Variants in FAT3 observed in about 807,000 individuals in gnomAD.
The protein encoded by FAT3 is FAT atypical cadherin 3, also known as protocadherin Fat 3.
Under a neutral mutation model 310.2 loss-of-function variants are expected in FAT3, and 95 were observed. The observed-to-expected ratio is 0.31, with a 90% CI of 0.26 to 0.36. The LOEUF (loss-of-function observed/expected upper bound fraction) is 0.36, where lower values mean the gene tolerates loss of function less well. Ranked by LOEUF, FAT3 falls within the 10% of genes least tolerant of loss-of-function variation. The pLI is 1.00. For synonymous variants in FAT3, 2,314 were observed against 2,192.9 expected, an observed-to-expected ratio of 1.06 and a Z score of -1.54; for missense variants, 5,408 against 5,715.6, an observed-to-expected ratio of 0.95 and a Z score of 1.74.
chr11:92,759,228 AG>A (rs1946082677), intron 4 of FAT3, among the ~76,000 whole-genome samples: 2 of 152,222 alleles, frequency 1.3e-5, no homozygotes, highest in African/African-American at 4.8e-5. Flanking sequence ...AGACTGTTCA[AG>A]TAGGACCTGC....
At chr11:92,371,195 A>G (rs542516921) in intron 2 of FAT3, among the ~76,000 whole-genome samples, 1 of 152,374 alleles carries the variant, frequency 6.6e-6, no homozygotes, top group Non-Finnish European at 1.5e-5. Flanking sequence ...CAGGTGTTAA[A>G]TAAGTATTGA....
chr11:92,636,044 A>C (rs1941757010), intron 3 of FAT3, among the ~76,000 whole-genome samples: 1 of 152,020 alleles, frequency 6.6e-6, no homozygotes, highest in Non-Finnish European at 1.5e-5. Context: ...GCTCACTGCA[A>C]CCTCTGCCAC....
intron 3 of FAT3, among the ~76,000 whole-genome samples, chr11:92,585,918 C>T (rs1939124135): frequency 6.6e-6 from 1 of 151,834 alleles, no homozygotes; most frequent in South Asian, 2.1e-4. Flanking sequence ...TCCTTCCCTC[C>T]CTTCCTTCCT....
chr11:92,678,896 C>T (rs905470145), intron 3 of FAT3, among the ~76,000 whole-genome samples: 2 of 152,092 alleles, frequency 1.3e-5, no homozygotes, highest in Admixed American at 1.3e-4. Context: ...TAGGGTCTAT[C>T]CATCACCCAA....
At chr11:92,427,171 T>A (rs1055309525) in intron 2 of FAT3, among the ~76,000 whole-genome samples, 2 of 152,150 alleles carry the variant, frequency 1.3e-5, no homozygotes, top group African/African-American at 4.8e-5. Flanking sequence ...GATTTGGCTC[T>A]CTGTCTATTA....
At chr11:92,868,567 T>C in intron 22 of FAT3, among the ~76,000 whole-genome samples, 1 of 152,184 alleles carries the variant, frequency 6.6e-6, no homozygotes, top group East Asian at 1.9e-4. Context: ...ATCTACGATA[T>C]ATAAAAGGAG....
At chr11:92,414,029 G>A (rs373510595) in intron 2 of FAT3, among the ~76,000 whole-genome samples, 16 of 152,226 alleles carry the variant, frequency 1.1e-4, no homozygotes, top group African/African-American at 3.6e-4. Context: ...TGCATTTTGC[G>A]TGTGGAGGTC....
At chr11:92,811,465 T>C (rs1284831809) in intron 13 of FAT3, among the ~76,000 whole-genome samples, 1 of 152,114 alleles carries the variant, frequency 6.6e-6, no homozygotes, top group East Asian at 1.9e-4. Flanking sequence ...CATGGTGTTT[T>C]TTGAAACATG....
chr11:92,890,953 C>A lies in FAT3; in HGVS notation c.13610C>A (p.Ser4537Tyr), dbSNP rs764541781. ...PTGPADSVSLSLHNSRGTSSS... is the reference protein window; with the variant it reads ...PTGPADSVSLYLHNSRGTSSS... The stretch of plus-strand genomic sequence containing the variant: ...GGCCCAGCAGACAGCGTGTCTCTGT[C>A]CTTGCACAATTCCAGAGGCACCTCA... The change falls in exon 28 of 28, where the codon TCC becomes TAC. Residue 4537 changes from serine to tyrosine, a missense_variant. Physicochemically the swap from Ser to Tyr is moderately radical, Grantham distance 144 (BLOSUM62 -2). Around this residue, in one of 5 missense-constraint regions of FAT3, gnomAD observed 649 missense variants for 666.2 expected, o/e 0.97. Transcript: ENST00000525166. 2 of 1,613,862 alleles carry A rather than the reference C, an allele frequency of 1.2e-6. No homozygotes were observed. The highest frequency in any genetic ancestry group is 2.7e-5 in the African/African-American group (2 of 74,946).
At chr11:92,512,057 T>G (rs1036243054) in intron 2 of FAT3, among the ~76,000 whole-genome samples, 10 of 152,160 alleles carry the variant, frequency 6.6e-5, no homozygotes, top group Non-Finnish European at 4.4e-5. Flanking sequence ...AATGTGTGAC[T>G]TCTATTCAGT....
At chr11:92,865,712 C>T (rs548398473) in intron 21 of FAT3, among the ~76,000 whole-genome samples, 1 of 152,334 alleles carries the variant, frequency 6.6e-6, no homozygotes, top group African/African-American at 2.4e-5. Context: ...AGGTGGACGA[C>T]ACAGGGGATT....
At chr11:92,478,452 G>A (rs1324135023) in intron 2 of FAT3, among the ~76,000 whole-genome samples, 6 of 151,988 alleles carry the variant, frequency 3.9e-5, no homozygotes, top group East Asian at 3.9e-4. Flanking sequence ...TGGCCTTGGC[G>A]ACTACCAATT....
chr11:92,600,749 T>C (rs1939978031), intron 3 of FAT3, among the ~76,000 whole-genome samples: 1 of 151,326 alleles, frequency 6.6e-6, no homozygotes, highest in Non-Finnish European at 1.5e-5. Context: ...TTTCAGAGAG[T>C]GAAAACTCCT....
intron 4 of FAT3, among the ~76,000 whole-genome samples, chr11:92,735,751 C>G (rs982662895): frequency 6.6e-6 from 1 of 151,326 alleles, no homozygotes; most frequent in African/African-American, 2.4e-5. Context: ...CTATTACATA[C>G]TAGATTCAGC....
chr11:92,690,453 C>T (rs905496877), intron 3 of FAT3, among the ~76,000 whole-genome samples: 1 of 152,184 alleles, frequency 6.6e-6, no homozygotes, highest in South Asian at 2.1e-4. Context: ...CTCAATTGAG[C>T]AATTCCAAGT....
chr11:92,275,216 C>A (rs933130085), intron 1 of FAT3, among the ~76,000 whole-genome samples: 6 of 152,044 alleles, frequency 3.9e-5, no homozygotes, highest in Non-Finnish European at 7.4e-5. Context: ...TTGTCTCATG[C>A]TGGATTAGGG....
chr11:92,659,120 G>A (rs1253515058), intron 3 of FAT3, among the ~76,000 whole-genome samples: 12 of 152,238 alleles, frequency 7.9e-5, no homozygotes, highest in East Asian at 3.9e-4. Flanking sequence ...AATGTGGTAG[G>A]CATTTTTATG....
rs1950013992 is a variant in FAT3, at chr11:92,895,695, G to A, written c.*4582G>A. On this transcript the variant is annotated 3_prime_UTR_variant, in exon 28 of 28. Coordinates refer to ENST00000525166, the MANE Select transcript of FAT3 (RefSeq NM_001367949.2). Reference sequence around the variant, plus strand: ...ATGGAAGCAGTTCTTTTTAAGCACTGTATCAGAGAGATTGTCTTGTACGTT... The same window carrying A: ...ATGGAAGCAGTTCTTTTTAAGCACTATATCAGAGAGATTGTCTTGTACGTT... 6.6e-6 allele frequency: 1 copy of A among 152,224 alleles called. No homozygotes were observed. Among genetic ancestry groups the A allele is most frequent in the South Asian group, 2.1e-4 (1 of 4,826 alleles). 9.4% of individuals were successfully genotyped at this position (152,224 alleles called of 1,614,324 possible).
chr11:92,516,202 C>A (rs1008938458), intron 2 of FAT3, among the ~76,000 whole-genome samples: 20 of 152,090 alleles, frequency 1.3e-4, no homozygotes, highest in Non-Finnish European at 2.6e-4. Context: ...AAATTTCAGG[C>A]CAATATCCCT....
Sources: gnomAD v4.1 joint callset for allele counts (sites outside exome capture counted in the v4.1 genomes callset) on GRCh38, gnomAD v4.1.1 for gene constraint, gnomAD v4.1.1 regional missense constraint, MANE v1.5 for transcripts, NCBI Gene and HGNC (gene_info 2026-07-23, HGNC 2026-07-21) for gene names.